The following CTH variants were observed in gnomAD, a reference collection of about 807,000 sequenced individuals.
The protein encoded by CTH is cystathionine gamma-lyase.
Under a neutral mutation model 50.6 loss-of-function variants are expected in CTH, and 41 were observed. The ratio of observed to expected loss-of-function variants is 0.81; its 90% CI spans 0.63 to 1.05. The LOEUF is 1.05. Ranked by LOEUF, CTH falls within the 50% of genes least tolerant of loss-of-function variation. The probability of loss-of-function intolerance (pLI) is 0.00; values close to 1 mark genes in which losing one functional copy is unlikely to be tolerated. For synonymous variants in CTH, 156 were observed against 168.9 expected, an observed-to-expected ratio of 0.92 and a Z score of 0.59; for missense variants, 470 against 492.6, an observed-to-expected ratio of 0.95 and a Z score of 0.43.
intron 5 of CTH, among the ~76,000 whole-genome samples, chr1:70,427,754 C>T (rs1684377020): frequency 6.6e-6 from 1 of 152,108 alleles, no homozygotes; most frequent in Non-Finnish European, 1.5e-5. Context: ...GCTCTGTCGC[C>T]CAGGCTGGAG....
intron 8 of CTH, among the ~76,000 whole-genome samples, 159 bp downstream of exon 8, chr1:70,432,394 A>G (rs554797953): frequency 6.6e-6 from 1 of 152,332 alleles, no homozygotes; most frequent in African/African-American, 2.4e-5. Flanking sequence ...GTGGTGGGTC[A>G]GGTGGAAAGA....
chr1:70,434,941 T>C (rs475263), intron 9 of CTH, 184 bp from the exon 10 acceptor site: 307,666 of 408,378 alleles, frequency 0.75, 116,232 homozygotes, highest in Admixed American at 0.83. Context: ...TTAGTAGAGA[T>C]GGGGTTTCAC....
chr1:70,430,262 A>G (rs542368246), intron 6 of CTH, 55 bp from the exon 7 acceptor site: 1 of 933,000 alleles, frequency 1.1e-6, no homozygotes, highest in Non-Finnish European at 1.8e-6. Context: ...TAAAGAGTAA[A>G]CATAAATTGT....
At chr1:70,413,649 A>G (rs1303270176) in intron 1 of CTH, among the ~76,000 whole-genome samples, 1 of 152,020 alleles carries the variant, frequency 6.6e-6, no homozygotes, top group Non-Finnish European at 1.5e-5. Flanking sequence ...ACTTAGTGCA[A>G]AAGTTTACCA....
intron 1 of CTH, among the ~76,000 whole-genome samples, chr1:70,412,953 A>C (rs1031308375): frequency 3.9e-5 from 6 of 152,208 alleles, no homozygotes; most frequent in Non-Finnish European, 8.8e-5. Flanking sequence ...ATGATCTGTA[A>C]AGCCTACGAA....
intron 10 of CTH, among the ~76,000 whole-genome samples, chr1:70,438,276 GA>G (rs1684638970): frequency 6.6e-6 from 1 of 152,192 alleles, no homozygotes; most frequent in Non-Finnish European, 1.5e-5. Context: ...AACTAATTAT[GA>G]CAGGCTCTTG....
intron 10 of CTH, among the ~76,000 whole-genome samples, chr1:70,436,669 A>G (rs946359779): frequency 3.4e-5 from 3 of 87,732 alleles, no homozygotes; most frequent in African/African-American, 9.2e-5. Context: ...TCACCAAGTT[A>G]AAAAAAAAAA....
intron 1 of CTH, 144 bp downstream of exon 1, chr1:70,411,727 C>A: frequency 7.0e-7 from 1 of 1,419,230 alleles, no homozygotes; most frequent in Non-Finnish European, 9.3e-7. Context: ...GTAATTCTTG[C>A]AGCACAGCTT....
chr1:70,432,358 T>C, intron 8 of CTH, 123 bp downstream of exon 8: 1 of 1,168,946 alleles, frequency 8.6e-7, no homozygotes, highest in African/African-American at 1.5e-5. Context: ...TCATTTATTA[T>C]TGAGCACTGC....
At chr1:70,415,416 C>A (rs1467636890) in intron 1 of CTH, among the ~76,000 whole-genome samples, 1 of 151,338 alleles carries the variant, frequency 6.6e-6, no homozygotes, top group East Asian at 1.9e-4. Context: ...AAAAAAAAAA[C>A]TTGTATCACT....
chr1:70,438,650 A>G (rs756118802), intron 10 of CTH, 38 bp from the exon 11 acceptor site: 1 of 1,612,858 alleles, frequency 6.2e-7, no homozygotes, highest in Non-Finnish European at 8.5e-7. Flanking sequence ...CCACTGACAC[A>G]ATATAGTGAT....
intron 6 of CTH, 70 bp from the exon 7 acceptor site, chr1:70,430,247 T>C (rs1320217290): frequency 3.5e-6 from 3 of 850,220 alleles, no homozygotes; most frequent in Non-Finnish European, 5.9e-6. Context: ...TTGAAAATTA[T>C]AAAATAAAGA....
intron 4 of CTH, 38 bp from the exon 5 acceptor site, chr1:70,424,247 A>G (rs1684293364): frequency 3.7e-6 from 6 of 1,613,650 alleles, no homozygotes; most frequent in Non-Finnish European, 4.2e-6. Context: ...TGTAAAGTAT[A>G]TTTTTACAAA....
chr1:70,439,608 A>G lies in CTH; in HGVS notation c.*481A>G. The G allele has an allele frequency of 6.0e-6, 1 of 167,724 alleles. No homozygotes were observed. 10.4% of individuals were successfully genotyped at this position (167,724 alleles called of 1,614,324 possible). A position where few individuals can be genotyped will look rare whatever the true frequency, so the allele number is the denominator to read the frequency against. On this transcript the variant is annotated 3_prime_UTR_variant, in exon 12 of 12. Transcript: ENST00000370938. Reference sequence around the variant, plus strand: ...CGAAAATCAAATACTTGAAAAGTTTACTGTGAAATTCTACTGATTTAAGAC... The same window carrying G: ...CGAAAATCAAATACTTGAAAAGTTTGCTGTGAAATTCTACTGATTTAAGAC...
At chr1:70,429,921 C>A in intron 6 of CTH, 70 bp downstream of exon 6, 2 of 1,089,586 alleles carry the variant, frequency 1.8e-6, no homozygotes, top group South Asian at 2.5e-5. Flanking sequence ...GCTTTTGATC[C>A]CTTTTCTTTG....
Position 70,438,590 on chromosome 1 carries a change from A to G in CTH, c.1053-98A>G, listed in dbSNP as rs536278607. ...GGGGTATGCAAAATTTGATATTTGG[A>G]CCAGAAAAATGTTGAGGGTAATTGC... On this transcript the variant is annotated intron_variant, in intron 10 of 11. Coordinates refer to ENST00000370938, the MANE Select transcript of CTH (RefSeq NM_001902.6). 4.4e-6 allele frequency: 6 copies of G among 1,376,974 alleles called. No homozygotes were observed. In the South Asian group the frequency reaches 7.1e-5, roughly 16 times the overall value. The allele number at this position is 1,376,974 out of a possible 1,614,324, so 85.3% of individuals were successfully genotyped here.
chr1:70,421,040 G>A (rs768990083), intron 3 of CTH, among the ~76,000 whole-genome samples: 6 of 151,952 alleles, frequency 3.9e-5, no homozygotes, highest in Non-Finnish European at 8.8e-5. Flanking sequence ...TAAGTCAAAT[G>A]ATTTACCTTG....
intron 2 of CTH, 29 bp downstream of exon 2, chr1:70,416,066 A>G (rs779628654): frequency 2.4e-6 from 3 of 1,248,632 alleles, no homozygotes; most frequent in South Asian, 1.2e-5. Flanking sequence ...ACAGTCTAGA[A>G]TCTATTTTTA....
chr1:70,412,591 A>C (rs1282187723), intron 1 of CTH, among the ~76,000 whole-genome samples: 1 of 152,268 alleles, frequency 6.6e-6, no homozygotes, highest in East Asian at 1.9e-4. Context: ...CAAGAGTGAA[A>C]CTCCAACTCA....
Sources: gnomAD v4.1 joint callset for allele counts (sites outside exome capture counted in the v4.1 genomes callset) on GRCh38, gnomAD v4.1.1 for gene constraint, MANE v1.5 for transcripts, NCBI Gene and HGNC (gene_info 2026-07-23, HGNC 2026-07-21) for gene names.